The following GPC6 variants were observed in gnomAD, a reference collection of about 807,000 sequenced individuals.
The protein encoded by GPC6 is glypican-6.
GPC6 carries 14 observed loss-of-function variants against 55.2 expected under a neutral mutation model. The observed-to-expected ratio is 0.25, with a 90% CI of 0.17 to 0.40. The LOEUF is 0.40. Ranked by LOEUF, GPC6 falls within the 10% of genes least tolerant of loss-of-function variation. GPC6 has a pLI of 1.00. For missense variants in GPC6, 641 were observed against 708.5 expected, an observed-to-expected ratio of 0.90 and a Z score of 1.08; for synonymous variants, 278 against 259.6, an observed-to-expected ratio of 1.07 and a Z score of -0.68.
chr13:94,320,947 C>T (rs546883102), intron 6 of GPC6, among the ~76,000 whole-genome samples: 21 of 152,302 alleles, frequency 1.4e-4, no homozygotes, highest in African/African-American at 4.1e-4. Context: ...CAGGGGTACA[C>T]ATGCAGGTTT....
chr13:94,284,877 A>AC (rs200856097), intron 4 of GPC6, among the ~76,000 whole-genome samples: 5,934 of 149,242 alleles, frequency 0.04, 227 homozygotes, highest in East Asian at 0.19. Flanking sequence ...AAAAAAAAAA[A>AC]ACACATAACA....
At chr13:93,912,580 A>G (rs990080667) in intron 3 of GPC6, among the ~76,000 whole-genome samples, 4 of 152,130 alleles carry the variant, frequency 2.6e-5, no homozygotes, top group East Asian at 3.9e-4. Flanking sequence ...CATCTCTACT[A>G]AAAATACAAA....
At chr13:93,291,743 T>G (rs900513549) in intron 1 of GPC6, among the ~76,000 whole-genome samples, 3 of 152,072 alleles carry the variant, frequency 2.0e-5, no homozygotes, top group Admixed American at 1.3e-4. Context: ...TCTGGTCAAG[T>G]TAAAACGAGT....
At chr13:93,348,600 G>A (rs1566310983) in intron 1 of GPC6, among the ~76,000 whole-genome samples, 1 of 152,052 alleles carries the variant, frequency 6.6e-6, no homozygotes, top group Admixed American at 6.6e-5. Context: ...TTTACTCTGT[G>A]GCACCCAGAA....
At chr13:93,896,106 G>T (rs540290409) in intron 3 of GPC6, among the ~76,000 whole-genome samples, 1 of 152,142 alleles carries the variant, frequency 6.6e-6, no homozygotes, top group East Asian at 1.9e-4. Context: ...TAATTGCCCT[G>T]ATGTGATCAT....
chr13:93,279,871 T>A (rs956760685), intron 1 of GPC6, among the ~76,000 whole-genome samples: 1 of 152,242 alleles, frequency 6.6e-6, no homozygotes, highest in African/African-American at 2.4e-5. Flanking sequence ...AATTGGAAAG[T>A]TCTGTCATAG....
intron 1 of GPC6, among the ~76,000 whole-genome samples, chr13:93,394,315 T>C (rs950227352): frequency 2.0e-5 from 3 of 152,222 alleles, no homozygotes; most frequent in Admixed American, 6.5e-5. Flanking sequence ...CCAGCCTTAC[T>C]CATTCTTAGG....
intron 1 of GPC6, among the ~76,000 whole-genome samples, chr13:93,295,875 A>G (rs1406489472): frequency 6.6e-6 from 1 of 151,144 alleles, no homozygotes; most frequent in Admixed American, 6.6e-5. Flanking sequence ...TGGCCGGCTA[A>G]TTTTTTTTTG....
At chr13:94,132,582 TAATAGTACAACATTCCCTCCCC>T (rs1389903037) in intron 4 of GPC6, among the ~76,000 whole-genome samples, 2 of 152,126 alleles carry the variant, frequency 1.3e-5, no homozygotes, top group Admixed American at 6.5e-5. Flanking sequence ...ATGGGCCAAA[TAATAGTACAACATTCCCTCCCC>T]AGCCTCCTGG....
chr13:94,070,008 A>G (rs1884668091), intron 4 of GPC6, among the ~76,000 whole-genome samples: 1 of 151,998 alleles, frequency 6.6e-6, no homozygotes, highest in African/African-American at 2.4e-5. Flanking sequence ...CTACCAATTT[A>G]CTGTATTACT....
intron 1 of GPC6, among the ~76,000 whole-genome samples, chr13:93,502,347 C>T (rs989722101): frequency 6.6e-6 from 1 of 152,032 alleles, no homozygotes; most frequent in African/African-American, 2.4e-5. Flanking sequence ...ATATGCCCCA[C>T]ATACTTTGTA....
intron 2 of GPC6, among the ~76,000 whole-genome samples, chr13:93,589,777 T>A (rs1190490697): frequency 1.3e-5 from 2 of 152,240 alleles, no homozygotes; most frequent in African/African-American, 4.8e-5. Flanking sequence ...GATTCCTGTT[T>A]CTGGTTATTC....
rs183629911 is a variant in GPC6, at chr13:93,629,964, T to C, written c.319+84543T>C. Among the ~76,000 whole-genome samples the C allele has an allele frequency of 4.5e-3, 691 of 152,328 alleles. 4 individuals carry two copies. The highest frequency in any genetic ancestry group is 0.012 in the South Asian group (60 of 4,826). On this transcript the variant is annotated intron_variant, in intron 2 of 8. Transcript: ENST00000377047. The stretch of plus-strand genomic sequence containing the variant: ...CTGTAAGCCTCAGCTTTTTAATCTA[T>C]AGAAATGTCAATGATAATTGTACCT...
At chr13:93,345,347 C>T (rs1199337796) in intron 1 of GPC6, among the ~76,000 whole-genome samples, 1 of 152,044 alleles carries the variant, frequency 6.6e-6, no homozygotes, top group Non-Finnish European at 1.5e-5. Flanking sequence ...GGCATGTATA[C>T]TTGTTACTAT....
At chr13:93,844,092 ACTTGCAAAGTCTC>A (rs1782548259) in intron 3 of GPC6, among the ~76,000 whole-genome samples, 1 of 152,160 alleles carries the variant, frequency 6.6e-6, no homozygotes, top group Non-Finnish European at 1.5e-5. Flanking sequence ...TAGCCTGTGA[ACTTGCAAAGTCTC>A]CTTTAAGCTT....
intron 1 of GPC6, among the ~76,000 whole-genome samples, chr13:93,359,205 A>G (rs1184335227): frequency 3.3e-5 from 5 of 152,212 alleles, no homozygotes; most frequent in South Asian, 4.2e-4. Context: ...GGCTGAAGCA[A>G]TCTTCCAGCC....
At chr13:94,128,724 A>G (rs192328283) in intron 4 of GPC6, among the ~76,000 whole-genome samples, 145 of 152,284 alleles carry the variant, frequency 9.5e-4, no homozygotes, top group Non-Finnish European at 1.7e-3. Flanking sequence ...CCAGAAATGA[A>G]GAGAACTGGA....
At chr13:93,417,155 G>A (rs1445331829) in intron 1 of GPC6, among the ~76,000 whole-genome samples, 1 of 152,134 alleles carries the variant, frequency 6.6e-6, no homozygotes, top group Admixed American at 6.6e-5. Context: ...GTGAAAAACA[G>A]TGGCATGAGA....
At chr13:93,434,411 T>A (rs1284555896) in intron 1 of GPC6, among the ~76,000 whole-genome samples, 2 of 152,044 alleles carry the variant, frequency 1.3e-5, no homozygotes, top group Non-Finnish European at 2.9e-5. Flanking sequence ...ATTGGGGGGA[T>A]AAAACATTGT....
Sources: allele counts gnomAD v4.1 joint callset (sites outside exome capture counted in the v4.1 genomes callset), GRCh38; gene constraint gnomAD v4.1.1; transcripts MANE v1.5; gene names NCBI Gene and HGNC (gene_info 2026-07-23, HGNC 2026-07-21).